The following ASTN2 variants were observed in gnomAD, a reference collection of about 807,000 sequenced individuals.
The protein encoded by ASTN2 is astrotactin 2.
Under a neutral mutation model 139.8 loss-of-function variants are expected in ASTN2, and 54 were observed. That is an observed-to-expected ratio of 0.39 (90% CI 0.31 to 0.48). The LOEUF is 0.48. ASTN2 is among the 20% of genes least tolerant of loss of function. The probability of loss-of-function intolerance (pLI) is 0.95; values close to 1 mark genes in which losing one functional copy is unlikely to be tolerated. For missense variants in ASTN2, 1,565 were observed against 1,725.1 expected, an observed-to-expected ratio of 0.91 and a Z score of 1.64; for synonymous variants, 756 against 719.5, an observed-to-expected ratio of 1.05 and a Z score of -0.81.
chr9:117,349,243 T>C (rs1329611370), intron 1 of ASTN2, among the ~76,000 whole-genome samples: 3 of 152,190 alleles, frequency 2.0e-5, no homozygotes, highest in Non-Finnish European at 4.4e-5. Flanking sequence ...ACCAAGGTCA[T>C]AGCAGGGTAA....
At position 116,972,847 on chromosome 9, in the gene ASTN2, G is replaced by A. The variant is rs150531930; in HGVS notation, c.1889+2361C>T. 1.1e-3 allele frequency among the ~76,000 whole-genome samples: 166 copies of A among 152,176 alleles called. 1 individual carries two copies. The highest frequency in any genetic ancestry group is 1.9e-3 in the Non-Finnish European group (131 of 67,982). ...AATCCTACTGTAATGCTTACCTTCCGTTTCCCTTTGACTCTGCTTTTCCAC... is the reference window on the plus strand; with the variant it reads ...AATCCTACTGTAATGCTTACCTTCCATTTCCCTTTGACTCTGCTTTTCCAC... On this transcript the variant is annotated intron_variant, in intron 10 of 22. Transcript: ENST00000313400.
At chr9:116,916,184 G>A (rs1834441699) in intron 10 of ASTN2, among the ~76,000 whole-genome samples, 1 of 152,152 alleles carries the variant, frequency 6.6e-6, no homozygotes, top group South Asian at 2.1e-4. Flanking sequence ...CACATGTTGG[G>A]GTTTCATGTT....
chr9:117,262,981 G>C (rs1253512160), intron 2 of ASTN2, among the ~76,000 whole-genome samples: 1 of 152,110 alleles, frequency 6.6e-6, no homozygotes, highest in Non-Finnish European at 1.5e-5. Context: ...TCTCTAAAGG[G>C]ATCACATTGT....
At chr9:117,411,357 G>C (rs1831154841) in intron 1 of ASTN2, among the ~76,000 whole-genome samples, 1 of 143,484 alleles carries the variant, frequency 7.0e-6, no homozygotes, top group Non-Finnish European at 1.5e-5. Context: ...AAACTTTGGA[G>C]ATAGTTCACA....
rs3041140 is a variant in ASTN2, at chr9:117,134,295, TACACACACACACACACAC to T, written c.1168+7013_1168+7030del. 2.1e-3 allele frequency among the ~76,000 whole-genome samples: 156 copies of T among 75,802 alleles called. 1 individual carries two copies. Among genetic ancestry groups the T allele is most frequent in the African/African-American group, 7.4e-3 (140 of 18,836 alleles). The allele number at this position is 75,802 out of a possible 152,430, so 49.7% of individuals were successfully genotyped here. On this transcript the variant is annotated intron_variant, in intron 4 of 22. Coordinates refer to ENST00000313400, the MANE Select transcript of ASTN2 (RefSeq NM_001365068.1). ...ATATATATATATATATATATATATA[TACACACACACACACACAC>T]ACACACACACACACACACACACACA...
At chr9:116,956,094 CTTT>C (rs71379245) in intron 10 of ASTN2, among the ~76,000 whole-genome samples, 2 of 119,154 alleles carry the variant, frequency 1.7e-5, no homozygotes, top group Non-Finnish European at 3.3e-5. Flanking sequence ...TTTTTCTTTT[CTTT>C]TTTTTTTTTT....
intron 1 of ASTN2, among the ~76,000 whole-genome samples, chr9:117,321,738 A>G (rs574648305): frequency 6.6e-6 from 1 of 152,188 alleles, no homozygotes; most frequent in Non-Finnish European, 1.5e-5. Context: ...GCTTCTCAAC[A>G]TTGGAACTAT....
chr9:116,685,260 C>T (rs1039688294), intron 16 of ASTN2, among the ~76,000 whole-genome samples: 2 of 152,142 alleles, frequency 1.3e-5, no homozygotes, highest in African/African-American at 4.8e-5. Flanking sequence ...CTTCGACTCC[C>T]TATGATTTCA....
At chr9:116,926,814 C>T (rs1274744472) in intron 10 of ASTN2, among the ~76,000 whole-genome samples, 1 of 152,132 alleles carries the variant, frequency 6.6e-6, no homozygotes, top group East Asian at 1.9e-4. Flanking sequence ...GTGTAGCTGA[C>T]TCCAAAACCC....
intron 1 of ASTN2, among the ~76,000 whole-genome samples, chr9:117,387,218 A>G (rs1830423236): frequency 6.6e-6 from 1 of 152,220 alleles, no homozygotes; most frequent in Admixed American, 6.5e-5. Context: ...AATTGAAACA[A>G]TAATTTAAGT....
chr9:116,517,541 C>T (rs944117673), intron 19 of ASTN2, among the ~76,000 whole-genome samples: 5 of 152,174 alleles, frequency 3.3e-5, no homozygotes, highest in Non-Finnish European at 7.3e-5. Context: ...CTGACATAGT[C>T]TACCCAAATA....
intron 6 of ASTN2, among the ~76,000 whole-genome samples, chr9:117,029,729 A>G (rs1377259116): frequency 6.6e-6 from 1 of 152,054 alleles, no homozygotes; most frequent in East Asian, 1.9e-4. Context: ...GCAGAACACT[A>G]TATAAGAATA....
chr9:116,828,428 C>A (rs10123073), intron 11 of ASTN2, among the ~76,000 whole-genome samples: 1 of 151,762 alleles, frequency 6.6e-6, no homozygotes, highest in Non-Finnish European at 1.5e-5. Context: ...AATCAATAAA[C>A]GTGATACATC....
At chr9:116,783,162 G>T (rs932009983) in intron 13 of ASTN2, among the ~76,000 whole-genome samples, 1 of 152,130 alleles carries the variant, frequency 6.6e-6, no homozygotes, top group Admixed American at 6.5e-5. Flanking sequence ...TCGAACAGTG[G>T]TTAAAATTTT....
At chr9:116,772,378 G>T (rs1029384709) in intron 13 of ASTN2, among the ~76,000 whole-genome samples, 1 of 152,174 alleles carries the variant, frequency 6.6e-6, no homozygotes, top group African/African-American at 2.4e-5. Context: ...CACCATGTAA[G>T]ACGTGCCTTT....
At chr9:116,661,346 T>G (rs1189471360) in intron 16 of ASTN2, among the ~76,000 whole-genome samples, 1 of 152,120 alleles carries the variant, frequency 6.6e-6, no homozygotes, top group Non-Finnish European at 1.5e-5. Context: ...CAACTTCCAC[T>G]GAGGGAAGCC....
intron 1 of ASTN2, among the ~76,000 whole-genome samples, chr9:117,370,712 T>C (rs1380782998): frequency 6.6e-6 from 1 of 152,114 alleles, no homozygotes; most frequent in Non-Finnish European, 1.5e-5. Flanking sequence ...TCAAACTCTT[T>C]TTTTTCCCCC....
At chr9:117,314,081 TA>T (rs1291647131) in intron 1 of ASTN2, among the ~76,000 whole-genome samples, 10 of 152,186 alleles carry the variant, frequency 6.6e-5, no homozygotes, top group African/African-American at 2.2e-4. Flanking sequence ...GATGATTCCT[TA>T]AGGCTTAAAT....
chr9:116,629,644 G>A (rs571680978), intron 17 of ASTN2, among the ~76,000 whole-genome samples: 31 of 152,152 alleles, frequency 2.0e-4, no homozygotes, highest in Admixed American at 1.8e-3. Context: ...ATAAGAAATC[G>A]TGCAGCTCAA....
Sources: allele counts gnomAD v4.1 joint callset (sites outside exome capture counted in the v4.1 genomes callset), GRCh38; gene constraint gnomAD v4.1.1; transcripts MANE v1.5; gene names NCBI Gene and HGNC (gene_info 2026-07-23, HGNC 2026-07-21).